The following RXFP1 variants were observed in gnomAD, a reference collection of about 807,000 sequenced individuals.
RXFP1 encodes relaxin family peptide receptor 1.
In RXFP1, 73 loss-of-function variants were observed where a neutral mutation model predicts 89.8. The ratio of observed to expected loss-of-function variants is 0.81; its 90% CI spans 0.67 to 0.99. RXFP1 has a LOEUF of 0.99. Among genes scored for constraint, RXFP1 ranks in the 50% least tolerant of loss-of-function variants. RXFP1 has a pLI of 0.00. For synonymous variants in RXFP1, 277 were observed against 305.5 expected (o/e 0.91, Z 0.97); for missense variants, 793 against 895.5 (o/e 0.89, Z 1.46).
intron 1 of RXFP1, among the ~76,000 whole-genome samples, chr4:158,543,533 A>T (rs893913134): frequency 2.6e-5 from 4 of 152,212 alleles, no homozygotes; most frequent in African/African-American, 9.6e-5. Context: ...AATGGTGCAG[A>T]ACACAGTGTC....
rs145270255 is a variant in RXFP1 at position 158,594,067 on chromosome 4, T to C, written c.286+568T>C. Among the ~76,000 whole-genome samples the C allele has an allele frequency of 8.8e-4, 134 of 152,354 alleles. No individual in the cohort carries two copies. In the Middle Eastern group the frequency reaches 0.01, roughly 12 times the overall value. On this transcript the variant is annotated intron_variant, in intron 3 of 17. Transcript: ENST00000307765. ...GAAAATAACTCCTCTTAAATAAATT[T>C]TGTCAGTTCTAATACATTATGCAAA...
chr4:158,584,230 C>T (rs528995933), intron 2 of RXFP1, among the ~76,000 whole-genome samples: 2 of 152,030 alleles, frequency 1.3e-5, no homozygotes, highest in East Asian at 3.9e-4. Flanking sequence ...GTCAGGAGTT[C>T]GAGACCAGCC....
intron 8 of RXFP1, among the ~76,000 whole-genome samples, chr4:158,614,389 G>GA (rs1483052344): frequency 6.6e-6 from 1 of 152,162 alleles, no homozygotes; most frequent in Non-Finnish European, 1.5e-5. Context: ...CATCTACATT[G>GA]AAAATCTGTT....
chr4:158,590,773 C>G (rs986914998), intron 2 of RXFP1, among the ~76,000 whole-genome samples: 8 of 152,028 alleles, frequency 5.3e-5, no homozygotes, highest in African/African-American at 1.9e-4. Context: ...TATCTGTAAC[C>G]CCTTCTGGAA....
intron 3 of RXFP1, among the ~76,000 whole-genome samples, chr4:158,597,746 C>T (rs998014266): frequency 3.3e-5 from 5 of 152,244 alleles, no homozygotes; most frequent in African/African-American, 1.2e-4. Context: ...AATTTCACTG[C>T]CCTCCGTTTC....
At chr4:158,620,592 C>A (rs914041307) in intron 9 of RXFP1, among the ~76,000 whole-genome samples, 2 of 151,786 alleles carry the variant, frequency 1.3e-5, no homozygotes, top group Non-Finnish European at 2.9e-5. Context: ...AAAACAAAGA[C>A]AAGAAAAACA....
At chr4:158,602,034 A>G (rs1761778397) in intron 4 of RXFP1, among the ~76,000 whole-genome samples, 1 of 152,206 alleles carries the variant, frequency 6.6e-6, no homozygotes, top group Non-Finnish European at 1.5e-5. Context: ...TCTCTCTCAC[A>G]CACATACAAA....
intron 3 of RXFP1, among the ~76,000 whole-genome samples, 190 bp downstream of exon 3, chr4:158,593,689 A>G (rs1759986516): frequency 6.6e-6 from 1 of 152,108 alleles, no homozygotes; most frequent in Admixed American, 6.6e-5. Context: ...TACAACTTTA[A>G]CTAGGAAAAT....
At chr4:158,528,876 T>C (rs1743267697) in intron 1 of RXFP1, among the ~76,000 whole-genome samples, 1 of 152,260 alleles carries the variant, frequency 6.6e-6, no homozygotes, top group Non-Finnish European at 1.5e-5. Flanking sequence ...CCTGTGTGCT[T>C]CACCGCTCCT....
At chr4:158,633,357 G>A (rs759792399) in intron 11 of RXFP1, 48 bp from the exon 12 acceptor site, 10 of 1,221,790 alleles carry the variant, frequency 8.2e-6, no homozygotes, top group South Asian at 3.7e-5. Flanking sequence ...AGAACAATGA[G>A]TAAAGTCTTA....
chr4:158,626,860 A>C lies in RXFP1; in HGVS notation c.796A>C (p.Thr266Pro), dbSNP rs2150185262. 6.4e-7 allele frequency: 1 copy of C among 1,558,866 alleles called. No individual in the cohort carries two copies. Among genetic ancestry groups the C allele is most frequent in the Non-Finnish European group, 8.7e-7 (1 of 1,145,008 alleles). Reference sequence around the variant, plus strand: ...CCATATCCATAATTTAAGAAATTTGACTTTTATTTCCTGCAGTAATTTAAC... The same window carrying C: ...CCATATCCATAATTTAAGAAATTTGCCTTTTATTTCCTGCAGTAATTTAAC... ...GNHIHNLRNL[T>P]FISCSNLTVL... is the part of the protein sequence containing the mutation. The change falls in exon 10 of 18, where the codon ACT becomes CCT. Residue 266 changes from threonine to proline, a missense_variant. By Grantham distance (38) the Thr-to-Pro change is conservative. Transcript: ENST00000307765.
chr4:158,633,311 G>A, intron 11 of RXFP1, 94 bp from the exon 12 acceptor site: 2 of 780,450 alleles, frequency 2.6e-6, no homozygotes, highest in Non-Finnish European at 4.3e-6. Context: ...CAATGGCATT[G>A]TTGAAAAGTT....
intron 8 of RXFP1, among the ~76,000 whole-genome samples, chr4:158,616,259 T>G (rs1764542001): frequency 6.6e-6 from 1 of 151,716 alleles, no homozygotes. Context: ...CCATCTCCAC[T>G]AAAAATATAA....
At chr4:158,540,022 A>C (rs1437741606) in intron 1 of RXFP1, among the ~76,000 whole-genome samples, 2 of 152,184 alleles carry the variant, frequency 1.3e-5, no homozygotes, top group African/African-American at 2.4e-5. Context: ...GATTTTGTAC[A>C]TCCATTAATT....
chr4:158,574,166 G>A (rs1274292864), intron 2 of RXFP1, among the ~76,000 whole-genome samples: 4 of 152,248 alleles, frequency 2.6e-5, no homozygotes, highest in South Asian at 4.1e-4. Context: ...ATAATGTAAA[G>A]TAGTAAGATT....
At chr4:158,522,367 G>A (rs1741394500) in intron 1 of RXFP1, among the ~76,000 whole-genome samples, 1 of 152,166 alleles carries the variant, frequency 6.6e-6, no homozygotes. Context: ...AAAACTCCTA[G>A]GAAAGTTCTC....
chr4:158,594,633 G>T (rs1404682319), intron 3 of RXFP1, among the ~76,000 whole-genome samples: 2 of 151,682 alleles, frequency 1.3e-5, no homozygotes, highest in African/African-American at 2.4e-5. Flanking sequence ...TTTCATCTTT[G>T]TATCTGCCCA....
rs1741273064 is a variant in RXFP1 at position 158,521,967 on chromosome 4, A to G, written c.-10A>G. On this transcript the variant is annotated 5_prime_UTR_variant, in exon 1 of 18. Transcript: ENST00000307765. The stretch of plus-strand genomic sequence containing the variant: ...TCACTTTCATTAATCAGTTGCTCAG[A>G]TAGAAGGAAATGACATCTGGTTCTG... The G allele has an allele frequency of 4.4e-6, 7 of 1,607,410 alleles. No homozygotes were observed. The highest frequency in any genetic ancestry group is 1.7e-5 in the Admixed American group (1 of 59,368).
At chr4:158,587,353 T>A (rs1758496728) in intron 2 of RXFP1, among the ~76,000 whole-genome samples, 1 of 152,236 alleles carries the variant, frequency 6.6e-6, no homozygotes, top group Non-Finnish European at 1.5e-5. Flanking sequence ...CTACTATGTT[T>A]TTGGTAAATT....
Sources: allele counts gnomAD v4.1 joint callset (sites outside exome capture counted in the v4.1 genomes callset), GRCh38; gene constraint gnomAD v4.1.1; transcripts MANE v1.5; gene names NCBI Gene and HGNC (gene_info 2026-07-23, HGNC 2026-07-21).